The following SPATA17 variants were observed in gnomAD, a reference collection of about 807,000 sequenced individuals.
SPATA17 encodes the protein spermatogenesis associated 17, also known as spermatogenesis-associated protein 17.
SPATA17 carries 53 observed loss-of-function variants against 62.2 expected under a neutral mutation model. That is an observed-to-expected ratio of 0.85 (90% CI 0.68 to 1.07). SPATA17 has a LOEUF of 1.07. Ranked by LOEUF, SPATA17 falls within the 50% of genes least tolerant of loss-of-function variation. SPATA17 has a pLI of 0.00. For missense variants in SPATA17, 466 were observed against 425.5 expected, an observed-to-expected ratio of 1.10 and a Z score of -0.84; for synonymous variants, 146 against 146.8, an observed-to-expected ratio of 0.99 and a Z score of 0.04.
intron 5 of SPATA17, among the ~76,000 whole-genome samples, chr1:217,719,229 T>C (rs1428851721): frequency 6.6e-6 from 1 of 152,216 alleles, no homozygotes; most frequent in Non-Finnish European, 1.5e-5. Context: ...AGAAAACACC[T>C]CTTGAACAGG....
chr1:217,704,264 G>T (rs1671680525), intron 5 of SPATA17, among the ~76,000 whole-genome samples: 1 of 12,664 alleles, frequency 7.9e-5, no homozygotes, highest in African/African-American at 1.4e-4. Flanking sequence ...TTTTTTTTGA[G>T]ACGGAGTCTC....
rs537287612 is a variant in SPATA17 at position 217,804,124 on chromosome 1, G to A, written c.1005+2274G>A. ...AATCTTGAGCAAAAAGACTAAAGAT[G>A]GAAGCATCACACTATCTGATTTCAA... is the stretch of plus-strand genomic sequence containing the variant. On this transcript the variant is annotated intron_variant, in intron 9 of 10. Transcript: ENST00000366933. Among the ~76,000 whole-genome samples the A allele has an allele frequency of 3.9e-5, 6 of 152,130 alleles. No individual in the cohort carries two copies. In the South Asian group the frequency reaches 6.2e-4, roughly 16 times the overall value.
intron 5 of SPATA17, among the ~76,000 whole-genome samples, chr1:217,697,946 T>C (rs1671497502): frequency 6.6e-6 from 1 of 152,190 alleles, no homozygotes; most frequent in Admixed American, 6.5e-5. Context: ...CTAAGTTTTA[T>C]ATGCATTTTC....
In SPATA17 at chr1:217,637,212, A is replaced by G. The variant is rs78312583; in HGVS notation, c.68+5766A>G. The stretch of plus-strand genomic sequence containing the variant: ...ATTATTTTATTTGATGTTTACAATA[A>G]TCTTATAAGGTTATTTTTCTTATTC... On this transcript the variant is annotated intron_variant, in intron 1 of 10. Coordinates refer to ENST00000366933, the MANE Select transcript of SPATA17 (RefSeq NM_138796.4). Among the ~76,000 whole-genome samples, 624 of 152,276 alleles carry G rather than the reference A, an allele frequency of 4.1e-3. 19 individuals carry two copies. In the East Asian group the frequency reaches 0.077, roughly 19 times the overall value.
chr1:217,859,445 T>C (rs987945455), intron 9 of SPATA17, among the ~76,000 whole-genome samples: 8 of 151,998 alleles, frequency 5.3e-5, no homozygotes, highest in Non-Finnish European at 1.0e-4. Context: ...AGGAACTCTG[T>C]CATCCATCCT....
At chr1:217,792,761 C>G (rs1674027217) in intron 8 of SPATA17, among the ~76,000 whole-genome samples, 1 of 151,948 alleles carries the variant, frequency 6.6e-6, no homozygotes, top group Non-Finnish European at 1.5e-5. Context: ...GGAGGGGTGT[C>G]CCATTATATC....
chr1:217,678,629 T>C (rs549629162), intron 4 of SPATA17, among the ~76,000 whole-genome samples: 27 of 152,334 alleles, frequency 1.8e-4, no homozygotes, highest in African/African-American at 6.0e-4. Context: ...CTATGGCAGA[T>C]GGCTTTTAAT....
intron 9 of SPATA17, among the ~76,000 whole-genome samples, chr1:217,830,207 G>A (rs144712760): frequency 1.6e-4 from 25 of 152,126 alleles, no homozygotes; most frequent in African/African-American, 5.8e-4. Flanking sequence ...TTTTATATCA[G>A]AATGTAACAA....
At chr1:217,654,776 G>A (rs1460370974) in intron 3 of SPATA17, among the ~76,000 whole-genome samples, 3 of 148,686 alleles carry the variant, frequency 2.0e-5, no homozygotes, top group African/African-American at 5.0e-5. Context: ...GCAAGGGTGC[G>A]AGCTCAGCTC....
chr1:217,679,840 C>T (rs1466662297), intron 4 of SPATA17, among the ~76,000 whole-genome samples: 1 of 152,088 alleles, frequency 6.6e-6, no homozygotes, highest in East Asian at 1.9e-4. Context: ...GGAAACTCTT[C>T]TTACTTGAAC....
intron 9 of SPATA17, among the ~76,000 whole-genome samples, chr1:217,813,493 T>TTGA (rs1258317428): frequency 1.3e-5 from 2 of 152,198 alleles, no homozygotes; most frequent in African/African-American, 4.8e-5. Flanking sequence ...TACATGCTGA[T>TTGA]TGATGATTAT....
intron 8 of SPATA17, chr1:217,785,060 T>A (rs1673826384): frequency 6.6e-6 from 1 of 152,212 alleles, no homozygotes; most frequent in Non-Finnish European, 1.5e-5. Context: ...CTTCATTAAC[T>A]TCTGGTGGTT....
Position 217,705,107 on chromosome 1 carries a change from G to C in SPATA17, c.395+21746G>C, listed in dbSNP as rs7530013. ...TTAAAATAGCAATTCTGATTGGTGT[G>C]AGATAGTATCTAATTGTGGTTGTGA... On this transcript the variant is annotated intron_variant, in intron 5 of 10. Transcript: ENST00000366933. 2.4e-3 allele frequency among the ~76,000 whole-genome samples: 372 copies of C among 152,272 alleles called. 1 individual carries two copies. Among genetic ancestry groups the C allele is most frequent in the African/African-American group, 8.3e-3 (346 of 41,554 alleles).
In SPATA17 at chr1:217,778,251, CT is replaced by C. The variant is rs1188762358; in HGVS notation, c.723+3715del. On this transcript the variant is annotated intron_variant, in intron 7 of 10. Coordinates refer to ENST00000366933, the MANE Select transcript of SPATA17 (RefSeq NM_138796.4). ...TGCTGGTGGGCGCGGTGGCTCACAC[CT>C]GTAATCCCAGCACTTTGGGTGGATT... Among the ~76,000 whole-genome samples, 3 of 152,114 alleles carry C rather than the reference CT, an allele frequency of 2.0e-5. No individual in the cohort carries two copies. The South Asian group carries it at 6.2e-4, about 32-fold the overall frequency.
intron 9 of SPATA17, among the ~76,000 whole-genome samples, chr1:217,854,589 T>C (rs1459819907): frequency 3.3e-5 from 5 of 152,016 alleles, no homozygotes; most frequent in African/African-American, 1.2e-4. Context: ...AATCTGTCAC[T>C]AACTTTTCTC....
At chr1:217,782,865 T>C (rs1221100950) in intron 8 of SPATA17, among the ~76,000 whole-genome samples, 1 of 151,900 alleles carries the variant, frequency 6.6e-6, no homozygotes, top group African/African-American at 2.4e-5. Context: ...TTCAGACATC[T>C]TTCTCTCAGG....
intron 5 of SPATA17, among the ~76,000 whole-genome samples, chr1:217,732,012 TCCTTC>T (rs1672411693): frequency 1.3e-5 from 2 of 152,176 alleles, no homozygotes. Context: ...CCATTTCCTT[TCCTTC>T]TAAATCTATC....
At chr1:217,686,538 TTTTAA>T in intron 5 of SPATA17, among the ~76,000 whole-genome samples, 1 of 151,542 alleles carries the variant, frequency 6.6e-6, no homozygotes, top group Non-Finnish European at 1.5e-5. Flanking sequence ...AGATTTTTTC[TTTTAA>T]CTTATTTTTG....
intron 9 of SPATA17, among the ~76,000 whole-genome samples, chr1:217,838,597 A>G (rs143179232): frequency 6.6e-6 from 1 of 152,200 alleles, no homozygotes; most frequent in African/African-American, 2.4e-5. Flanking sequence ...ATTGTTATAG[A>G]TATATACTAT....
Sources: gnomAD v4.1 joint callset for allele counts (sites outside exome capture counted in the v4.1 genomes callset) on GRCh38, gnomAD v4.1.1 for gene constraint, MANE v1.5 for transcripts, NCBI Gene and HGNC (gene_info 2026-07-23, HGNC 2026-07-21) for gene names.